Variants in MECOM observed in about 807,000 individuals in gnomAD.
MECOM encodes histone-lysine N-methyltransferase MECOM.
A neutral mutation model predicts 116.3 loss-of-function variants in MECOM; 13 were observed. The observed-to-expected ratio is 0.11, with a 90% CI of 0.07 to 0.18. The LOEUF is 0.18. MECOM is among the 10% of genes least tolerant of loss of function. The pLI, the probability that MECOM is intolerant of heterozygous loss-of-function variation, is 1.00. For missense variants in MECOM, 1,299 were observed against 1,509.0 expected (o/e 0.86, Z 2.31); for synonymous variants, 528 against 535.2 (o/e 0.99, Z 0.19).
intron 1 of MECOM, among the ~76,000 whole-genome samples, chr3:169,432,263 A>T (rs1306046532): frequency 6.6e-6 from 1 of 151,648 alleles, no homozygotes; most frequent in African/African-American, 2.4e-5. Context: ...GGTTCAGGTG[A>T]TTCTCCTGCC....
At chr3:169,160,985 G>A (rs149663675) in intron 2 of MECOM, among the ~76,000 whole-genome samples, 25 of 152,276 alleles carry the variant, frequency 1.6e-4, no homozygotes, top group Admixed American at 2.0e-4. Context: ...TGCAAAAATT[G>A]GTTCTGCTGG....
intron 5 of MECOM, among the ~76,000 whole-genome samples, chr3:169,126,415 T>G (rs1049870533): frequency 6.6e-6 from 1 of 152,120 alleles, no homozygotes; most frequent in East Asian, 1.9e-4. Flanking sequence ...TTAAATATTT[T>G]TTCCTACTCA....
chr3:169,198,017 C>A (rs1482153842), intron 2 of MECOM, among the ~76,000 whole-genome samples: 1 of 151,960 alleles, frequency 6.6e-6, no homozygotes, highest in East Asian at 1.9e-4. Flanking sequence ...TCCTTTTGTG[C>A]AAAATGATAC....
At chr3:169,132,755 CT>C (rs371541265) in intron 3 of MECOM, among the ~76,000 whole-genome samples, 194 of 139,134 alleles carry the variant, frequency 1.4e-3, no homozygotes, top group Middle Eastern at 3.7e-3. Context: ...TTTTTCTTTT[CT>C]TTTTTTTTTT....
intron 1 of MECOM, among the ~76,000 whole-genome samples, chr3:169,427,747 C>T (rs539621463): frequency 2.0e-5 from 3 of 152,294 alleles, no homozygotes; most frequent in African/African-American, 7.2e-5. Context: ...TCTTTTCTAT[C>T]ATTGTAACTC....
At chr3:169,233,851 G>C (rs1043236361) in intron 2 of MECOM, among the ~76,000 whole-genome samples, 2 of 152,120 alleles carry the variant, frequency 1.3e-5, no homozygotes, top group African/African-American at 2.4e-5. Flanking sequence ...TTTCATGCTG[G>C]AAATGAACCT....
Position 169,516,249 on chromosome 3 carries a change from T to C in MECOM, c.38-134725A>G, listed in dbSNP as rs1376307793. The stretch of plus-strand genomic sequence containing the variant: ...GTTGTTTAGGAGACTCTGAGTAAGA[T>C]ATTGGATAATGTTTTCTACCACTAT... On this transcript the variant is annotated intron_variant, in intron 1 of 16. Coordinates refer to ENST00000651503, the MANE Select transcript of MECOM (RefSeq NM_004991.4). Among the ~76,000 whole-genome samples the C allele has an allele frequency of 2.1e-4, 32 of 152,210 alleles. 1 individual carries two copies. Among genetic ancestry groups the C allele is most frequent in the Admixed American group, 2.1e-3 (32 of 15,280 alleles).
intron 1 of MECOM, among the ~76,000 whole-genome samples, chr3:169,409,018 A>G (rs1405344775): frequency 6.6e-6 from 1 of 152,178 alleles, no homozygotes; most frequent in African/African-American, 2.4e-5. Flanking sequence ...ACCACAACAG[A>G]GTAATGTAGT....
At chr3:169,476,210 G>A (rs770758959) in intron 1 of MECOM, among the ~76,000 whole-genome samples, 2 of 152,150 alleles carry the variant, frequency 1.3e-5, no homozygotes, top group Non-Finnish European at 2.9e-5. Flanking sequence ...TGAAATGATA[G>A]CATATGTGCT....
chr3:169,196,874 G>A (rs972600956), intron 2 of MECOM, among the ~76,000 whole-genome samples: 1 of 151,962 alleles, frequency 6.6e-6, no homozygotes, highest in Admixed American at 6.6e-5. Context: ...TATTTTAATT[G>A]CAGCACTATT....
At chr3:169,422,987 G>GA (rs1403569287) in intron 1 of MECOM, among the ~76,000 whole-genome samples, 2 of 152,166 alleles carry the variant, frequency 1.3e-5, no homozygotes, top group East Asian at 1.9e-4. Flanking sequence ...CTGGTAAGCA[G>GA]AAAAAATAAC....
At chr3:169,510,129 C>T (rs1755781599) in intron 1 of MECOM, among the ~76,000 whole-genome samples, 1 of 152,224 alleles carries the variant, frequency 6.6e-6, no homozygotes, top group Non-Finnish European at 1.5e-5. Flanking sequence ...CTTTTCTGAA[C>T]ACTTACAGTC....
intron 1 of MECOM, among the ~76,000 whole-genome samples, chr3:169,494,656 G>A (rs564660847): frequency 2.3e-4 from 35 of 152,166 alleles, no homozygotes; most frequent in African/African-American, 8.2e-4. Flanking sequence ...TTAACTAATC[G>A]AGAGCACAAT....
At chr3:169,260,480 CT>C (rs1757406416) in intron 2 of MECOM, among the ~76,000 whole-genome samples, 1 of 144,420 alleles carries the variant, frequency 6.9e-6, no homozygotes, top group Non-Finnish European at 1.5e-5. Flanking sequence ...TTTTTTTTGG[CT>C]CTGCACTGTG....
rs1379076723 is a variant in MECOM at position 169,083,921 on chromosome 3, A to G, written c.*988T>C. ...AGTTGCATCTATTCGTATTTAGTTC[A>G]TTAAGAAGGAAAACAAAACAAACAA... On this transcript the variant is annotated 3_prime_UTR_variant, in exon 17 of 17. Transcript: ENST00000651503. 3.1e-5 allele frequency: 7 copies of G among 224,598 alleles called. No homozygotes were observed. The highest frequency in any genetic ancestry group is 1.3e-4 in the African/African-American group (6 of 44,918). 13.9% of individuals were successfully genotyped at this position (224,598 alleles called of 1,614,324 possible). A position where few individuals can be genotyped will look rare whatever the true frequency, so the allele number is the denominator to read the frequency against.
At chr3:169,491,795 T>C (rs1753125024) in intron 1 of MECOM, among the ~76,000 whole-genome samples, 1 of 152,230 alleles carries the variant, frequency 6.6e-6, no homozygotes, top group Non-Finnish European at 1.5e-5. Flanking sequence ...TCTAGTTTCG[T>C]GTTTCAATCA....
chr3:169,149,569 C>T (rs971599493), intron 2 of MECOM: 3 of 327,036 alleles, frequency 9.2e-6, no homozygotes, highest in African/African-American at 2.2e-5. Context: ...CGCCAGGCGC[C>T]GGCAACACAG....
At chr3:169,397,481 A>G (rs899146131) in intron 1 of MECOM, among the ~76,000 whole-genome samples, 2 of 152,220 alleles carry the variant, frequency 1.3e-5, no homozygotes, top group Non-Finnish European at 2.9e-5. Context: ...ATCTTGGATA[A>G]GGCAGTTCAA....
intron 2 of MECOM, among the ~76,000 whole-genome samples, chr3:169,271,627 A>C (rs1288233032): frequency 6.6e-6 from 1 of 152,040 alleles, no homozygotes; most frequent in Non-Finnish European, 1.5e-5. Context: ...GGGCTGGGGG[A>C]TGGATAGCAT....
Sources: allele counts gnomAD v4.1 joint callset (sites outside exome capture counted in the v4.1 genomes callset), GRCh38; gene constraint gnomAD v4.1.1; transcripts MANE v1.5; gene names NCBI Gene and HGNC (gene_info 2026-07-23, HGNC 2026-07-21).